Variants in PKNOX2 observed in about 807,000 individuals in gnomAD.
PKNOX2 encodes the protein homeobox protein PKNOX2.
In PKNOX2, 14 loss-of-function variants were observed where a neutral mutation model predicts 53.1. That is an observed-to-expected ratio of 0.26 (90% CI 0.17 to 0.41). The LOEUF is 0.41. Among genes scored for constraint, PKNOX2 ranks in the 10% least tolerant of loss-of-function variants. PKNOX2 has a pLI of 1.00. For missense variants in PKNOX2, 496 were observed against 602.8 expected, an observed-to-expected ratio of 0.82 and a Z score of 1.85; for synonymous variants, 257 against 242.8, an observed-to-expected ratio of 1.06 and a Z score of -0.54.
Position 125,165,604 on chromosome 11 carries a change from C to T in PKNOX2, c.-201+828C>T, listed in dbSNP as rs1011532375. Among the ~76,000 whole-genome samples, 10 of 152,158 alleles carry T rather than the reference C, an allele frequency of 6.6e-5. No individual in the cohort carries two copies. The highest frequency in any genetic ancestry group is 1.5e-4 in the Non-Finnish European group (10 of 68,018). On this transcript the variant is annotated intron_variant, in intron 1 of 12. Transcript: ENST00000298282. This position sits in a 1 kb window ranked among gnomAD's most constrained non-coding sequence, Gnocchi z 4.5. ...ACGGATCAGTGGAGACAGGGGAACACCGGCGGGGCCCGGGAAGCCAGGATC... is the reference window on the plus strand; with the variant it reads ...ACGGATCAGTGGAGACAGGGGAACATCGGCGGGGCCCGGGAAGCCAGGATC...
At chr11:125,381,401 C>G (rs1953218200) in intron 5 of PKNOX2, among the ~76,000 whole-genome samples, 1 of 152,116 alleles carries the variant, frequency 6.6e-6, no homozygotes, top group African/African-American at 2.4e-5. Flanking sequence ...GGTGCCAGGC[C>G]AGTACCTGTA....
intron 1 of PKNOX2, among the ~76,000 whole-genome samples, chr11:125,180,295 T>A (rs181299063): frequency 1.1e-4 from 15 of 134,522 alleles, no homozygotes; most frequent in Admixed American, 4.9e-4. Context: ...GATTGTTGGA[T>A]TTCTGTCTCT....
intron 6 of PKNOX2, 139 bp downstream of exon 6, chr11:125,385,861 C>T (rs1239276372): frequency 1.9e-6 from 2 of 1,034,682 alleles, no homozygotes; most frequent in African/African-American, 3.3e-5. Context: ...ACTAGATGCA[C>T]CAGTCTTGCA....
chr11:125,406,638 G>A (rs926555225), intron 7 of PKNOX2, among the ~76,000 whole-genome samples: 6 of 152,098 alleles, frequency 3.9e-5, no homozygotes, highest in Admixed American at 2.0e-4. Flanking sequence ...GTGAGCACTC[G>A]TCCTACACTC....
intron 1 of PKNOX2, among the ~76,000 whole-genome samples, chr11:125,220,346 G>A (rs183229450): frequency 3.7e-4 from 57 of 152,236 alleles, no homozygotes; most frequent in Non-Finnish European, 5.6e-4. Context: ...AAATATCTGC[G>A]GCTGCGTTCT....
intron 1 of PKNOX2, among the ~76,000 whole-genome samples, chr11:125,185,571 T>C (rs865823373): frequency 3.3e-5 from 5 of 152,226 alleles, no homozygotes; most frequent in South Asian, 2.1e-4. Context: ...AATTTGACTA[T>C]ATTATATATG....
chr11:125,404,151 T>C (rs566341913), intron 7 of PKNOX2, among the ~76,000 whole-genome samples: 2 of 152,172 alleles, frequency 1.3e-5, no homozygotes, highest in Admixed American at 1.3e-4. Context: ...GATCACTACT[T>C]AGATGGACAG....
At chr11:125,420,336 G>T (rs1956108863) in intron 10 of PKNOX2, among the ~76,000 whole-genome samples, 1 of 151,686 alleles carries the variant, frequency 6.6e-6, no homozygotes, top group African/African-American at 2.4e-5. Context: ...GACCATCCTG[G>T]CTAACACGGT....
intron 2 of PKNOX2, among the ~76,000 whole-genome samples, chr11:125,331,293 C>G (rs75121824): frequency 0.048 from 7,331 of 152,226 alleles, 286 homozygotes; most frequent in South Asian, 0.13. Flanking sequence ...TAGGCCCATT[C>G]CCCTCCGACT....
chr11:125,237,124 C>T (rs574078722), intron 2 of PKNOX2, among the ~76,000 whole-genome samples: 2 of 152,168 alleles, frequency 1.3e-5, no homozygotes, highest in Admixed American at 1.3e-4. Flanking sequence ...GGCTTTGATG[C>T]TAGCTGTTGG....
At chr11:125,281,702 T>C (rs1946568826) in intron 2 of PKNOX2, among the ~76,000 whole-genome samples, 1 of 152,222 alleles carries the variant, frequency 6.6e-6, no homozygotes. Context: ...ATGTGTTTCC[T>C]TTCCTGTAAA....
chr11:125,426,394 CTA>C (rs1018841873), intron 10 of PKNOX2, among the ~76,000 whole-genome samples: 25 of 152,236 alleles, frequency 1.6e-4, no homozygotes, highest in African/African-American at 6.0e-4. Flanking sequence ...TTCTTCCCAT[CTA>C]GTCTGTGAGT....
At chr11:125,213,952 T>C (rs1940188046) in intron 1 of PKNOX2, among the ~76,000 whole-genome samples, 1 of 151,986 alleles carries the variant, frequency 6.6e-6, no homozygotes, top group Admixed American at 6.6e-5. Context: ...AGGGAGGGGT[T>C]TCCAGCACCT....
At chr11:125,185,131 C>T (rs1956371404) in intron 1 of PKNOX2, among the ~76,000 whole-genome samples, 2 of 152,242 alleles carry the variant, frequency 1.3e-5, no homozygotes, top group African/African-American at 4.8e-5. Flanking sequence ...CTGACCATTG[C>T]CTCCTGGCAT....
intron 2 of PKNOX2, among the ~76,000 whole-genome samples, chr11:125,238,308 A>G (rs1942890670): frequency 6.6e-6 from 1 of 152,206 alleles, no homozygotes; most frequent in Non-Finnish European, 1.5e-5. Context: ...AAAAAGTGCT[A>G]GAGTTTGGAG....
At position 125,422,647 on chromosome 11, in the gene PKNOX2, G is replaced by A. The variant is rs1174951120; in HGVS notation, c.937-6365G>A. 6.6e-6 allele frequency among the ~76,000 whole-genome samples: 1 copy of A among 152,178 alleles called. No individual in the cohort carries two copies. Among genetic ancestry groups the A allele is most frequent in the Admixed American group, 6.5e-5 (1 of 15,278 alleles). On this transcript the variant is annotated intron_variant, in intron 10 of 12. Transcript: ENST00000298282. This position sits in a 1 kb window ranked among gnomAD's most constrained non-coding sequence, Gnocchi z 4.1. ...CATGGAGGCGCTGAAAAGGGAAGGT[G>A]TGCAAGAGACCCCTGGGTTGCACTG...
chr11:125,246,519 G>A (rs1412736190), intron 2 of PKNOX2, among the ~76,000 whole-genome samples: 4 of 152,112 alleles, frequency 2.6e-5, no homozygotes, highest in Non-Finnish European at 2.9e-5. Context: ...CCCCTTCCCC[G>A]GTTTGCCCTG....
In PKNOX2 at chr11:125,351,377, C is replaced by T. The variant is rs1951306289; in HGVS notation, c.72C>T (p.Tyr24=). The change falls in exon 4 of 13, where the codon TAC becomes TAT. Residue 24 remains tyrosine, a synonymous_variant. Transcript: ENST00000298282. ...CGCAGAATGTCCCGCCCCCACCCTA[C>T]CAGGACAGCCCACAGGTGAGTGCGC... The part of the protein sequence containing the change: ...MATQNVPPPP[Y]QDSPQMTATA... 2.5e-6 allele frequency: 4 copies of T among 1,601,242 alleles called. No individual in the cohort carries two copies. The highest frequency in any genetic ancestry group is 3.4e-6 in the Non-Finnish European group (4 of 1,170,222).
chr11:125,204,595 G>C (rs913177370), intron 1 of PKNOX2, among the ~76,000 whole-genome samples: 5 of 152,296 alleles, frequency 3.3e-5, no homozygotes, highest in East Asian at 3.9e-4. Context: ...GAGTTCTGGG[G>C]AAGTCGATGG....
Sources: gnomAD v4.1 joint callset for allele counts (sites outside exome capture counted in the v4.1 genomes callset) on GRCh38, gnomAD v4.1.1 for gene constraint, Gnocchi (gnomAD v3.1) non-coding constraint, MANE v1.5 for transcripts, NCBI Gene and HGNC (gene_info 2026-07-23, HGNC 2026-07-21) for gene names.